Variants in TRIM37 observed in about 807,000 individuals in gnomAD.
The protein encoded by TRIM37 is E3 ubiquitin-protein ligase TRIM37.
Under a neutral mutation model 129.8 loss-of-function variants are expected in TRIM37, and 80 were observed. That is an observed-to-expected ratio of 0.62 (90% CI 0.51 to 0.74). TRIM37 has a LOEUF of 0.74. Among genes scored for constraint, TRIM37 ranks in the 30% least tolerant of loss-of-function variants. TRIM37 has a pLI of 0.00. For missense variants in TRIM37, 1,054 were observed against 1,176.5 expected (o/e 0.90, Z 1.52); for synonymous variants, 389 against 387.1 (o/e 1.00, Z -0.06).
At chr17:59,054,486 G>A (rs935313411) in intron 13 of TRIM37, among the ~76,000 whole-genome samples, 7 of 151,904 alleles carry the variant, frequency 4.6e-5, no homozygotes, top group African/African-American at 1.7e-4. Flanking sequence ...ATTTTTAGTA[G>A]AGACAGGGTT....
intron 24 of TRIM37, chr17:58,985,198 A>G (rs1267119608): frequency 6.6e-6 from 1 of 152,650 alleles, no homozygotes; most frequent in African/African-American, 2.4e-5. Flanking sequence ...TTGTCTTTTT[A>G]TTTAAAGGAA....
downstream of TRIM37, chr17:58,981,214 T>C (rs764234193): frequency 3.2e-5 from 18 of 558,694 alleles, no homozygotes; most frequent in Non-Finnish European, 4.9e-5. Context: ...AAAAGAAGTA[T>C]TGGCAGTTTC....
intron 16 of TRIM37, among the ~76,000 whole-genome samples, chr17:59,045,091 C>T (rs1332017375): frequency 2.0e-5 from 3 of 151,998 alleles, no homozygotes; most frequent in African/African-American, 7.3e-5. Flanking sequence ...CTTTGGGAGG[C>T]CGAGGCAGGC....
Position 59,081,935 on chromosome 17 carries a change from AC to A in TRIM37, c.370-717del, listed in dbSNP as rs1177439589. On this transcript the variant is annotated intron_variant, in intron 5 of 23. Transcript: ENST00000262294. ...AAATAATAATTTTTTAATAATAAAA[AC>A]CAAAAAAAAAAAAAAATAAAAAAAA... is the stretch of plus-strand genomic sequence containing the variant. 3.4e-3 allele frequency among the ~76,000 whole-genome samples: 312 copies of A among 92,030 alleles called. 5 individuals carry two copies. The South Asian group carries it at 0.042, about 13-fold the overall frequency. 60.4% of individuals were successfully genotyped at this position (92,030 alleles called of 152,430 possible). A position where few individuals can be genotyped will look rare whatever the true frequency, so the allele number is the denominator to read the frequency against.
At chr17:59,060,973 T>C in intron 12 of TRIM37, 59 bp downstream of exon 12, 1 of 1,274,044 alleles carries the variant, frequency 7.8e-7, no homozygotes, top group Non-Finnish European at 1.1e-6. Flanking sequence ...TTAACAAAAA[T>C]TGCTAGGGGG....
intron 19 of TRIM37, among the ~76,000 whole-genome samples, chr17:59,018,688 G>A (rs1243599258): frequency 6.7e-6 from 1 of 149,148 alleles, no homozygotes; most frequent in South Asian, 2.1e-4. Flanking sequence ...TTGATCTACC[G>A]ATTCAACACA....
At chr17:59,091,012 A>AT (rs2044254702) in intron 3 of TRIM37, among the ~76,000 whole-genome samples, 1 of 152,086 alleles carries the variant, frequency 6.6e-6, no homozygotes, top group African/African-American at 2.4e-5. Context: ...AACTATCTGG[A>AT]TTTTTTAACC....
intron 17 of TRIM37, among the ~76,000 whole-genome samples, chr17:59,038,475 A>G (rs1294844476): frequency 2.0e-5 from 3 of 152,188 alleles, no homozygotes; most frequent in Non-Finnish European, 4.4e-5. Flanking sequence ...TGCCTGGATT[A>G]TTACAGAATA....
chr17:59,053,356 A>G (rs1234105454), intron 13 of TRIM37, among the ~76,000 whole-genome samples: 1 of 152,246 alleles, frequency 6.6e-6, no homozygotes, highest in African/African-American at 2.4e-5. Flanking sequence ...GCAATGTCTC[A>G]TTAATAGGAT....
In TRIM37 at chr17:59,106,799, T is replaced by G. The variant is rs868060450; in HGVS notation, c.-338A>C. 1 of 529,980 alleles carries G rather than the reference T, an allele frequency of 1.9e-6. No individual in the cohort carries two copies. The highest frequency in any genetic ancestry group is 2.2e-5 in the South Asian group (1 of 45,442). 32.8% of individuals were successfully genotyped at this position (529,980 alleles called of 1,614,324 possible). On this transcript the variant is annotated 5_prime_UTR_variant, in exon 1 of 24. Coordinates refer to ENST00000262294, the MANE Select transcript of TRIM37 (RefSeq NM_015294.6). ...GCGCCTATGGAACTGACGGTGGAGT[T>G]CAGCGAAGAAGGTGCCGCAGAGAAT...
Position 59,049,315 on chromosome 17 carries a change from C to CA in TRIM37, c.1392dup (p.Asp465Ter). 1 of 1,614,158 alleles carries CA rather than the reference C, an allele frequency of 6.2e-7. No individual in the cohort carries two copies. Among genetic ancestry groups the CA allele is most frequent in the Non-Finnish European group, 8.5e-7 (1 of 1,180,034 alleles). On this transcript the variant is annotated frameshift_variant, in exon 15 of 24. Transcript: ENST00000262294. LOFTEE classifies it high-confidence loss of function. Reference sequence around the variant, plus strand: ...TTAGCTCGTGTCTCCAGAGCATCATCATTTTGGGGGCTAAGATGGTTATCT... The same window carrying CA: ...TTAGCTCGTGTCTCCAGAGCATCATCAATTTTGGGGGCTAAGATGGTTATCT...
At chr17:59,063,186 T>G (rs1202811381) in intron 10 of TRIM37, among the ~76,000 whole-genome samples, 1 of 150,856 alleles carries the variant, frequency 6.6e-6, no homozygotes, top group Admixed American at 6.6e-5. Context: ...TTTTTTGAGA[T>G]AGAGTTTTTT....
At chr17:59,008,013 G>C (rs1321982818) in intron 22 of TRIM37, among the ~76,000 whole-genome samples, 2 of 152,122 alleles carry the variant, frequency 1.3e-5, no homozygotes, top group Non-Finnish European at 2.9e-5. Context: ...AAGGCTTATA[G>C]GTATATAAGG....
At chr17:59,086,751 T>C (rs1044584477) in intron 4 of TRIM37, among the ~76,000 whole-genome samples, 3 of 152,200 alleles carry the variant, frequency 2.0e-5, no homozygotes, top group African/African-American at 7.2e-5. Context: ...TTTTACAATA[T>C]AGAAAATTTG....
chr17:59,081,197 G>A lies in TRIM37; in HGVS notation c.392C>T (p.Pro131Leu). The A allele has an allele frequency of 8.7e-6, 14 of 1,613,700 alleles. No individual in the cohort carries two copies. Among genetic ancestry groups the A allele is most frequent in the Non-Finnish European group, 1.2e-5 (14 of 1,179,824 alleles). The change falls in exon 6 of 24, where the codon CCT (proline) becomes CTT (leucine). Residue 131 changes from proline (P) to leucine (L), a missense_variant. By Grantham distance (98) the Pro-to-Leu change is moderately conservative. This residue lies in a region of TRIM37 where 752 missense variants were observed against 870.8 expected (regional missense o/e 0.86). Coordinates refer to ENST00000262294, the MANE Select transcript of TRIM37 (RefSeq NM_015294.6). The stretch of plus-strand genomic sequence containing the variant: ...GTGTTGCTCATAAATTTCTGCCAAA[G>A]GTTTAAAGGTATGTCCGCCATGCTA... ...GGMHGGHTFKPLAEIYEQHVT... is the reference protein window; with the variant it reads ...GGMHGGHTFKLLAEIYEQHVT...
chr17:59,015,594 A>G lies in TRIM37; in HGVS notation c.2576+16T>C, dbSNP rs565253562. 7 of 1,613,736 alleles carry G rather than the reference A, an allele frequency of 4.3e-6. No individual in the cohort carries two copies. The Admixed American group carries it at 8.3e-5, about 19-fold the overall frequency. On this transcript the variant is annotated intron_variant, in intron 21 of 23. Transcript: ENST00000262294. Reference sequence around the variant, plus strand: ...TAGCTATTATACCATTACATATACAAAACAACTTAATTTACCCCAAGGTGA... The same window carrying G: ...TAGCTATTATACCATTACATATACAGAACAACTTAATTTACCCCAAGGTGA...
At chr17:58,979,248 A>G (rs952334815), downstream of TRIM37, among the ~76,000 whole-genome samples, 2 of 152,180 alleles carry the variant, frequency 1.3e-5, no homozygotes, top group African/African-American at 2.4e-5. Context: ...TAAATATAAG[A>G]GAAAAATGGC....
Position 59,036,447 on chromosome 17 carries a change from G to GGTGTGTGTGT in TRIM37, c.1754-4367_1754-4358dup, listed in dbSNP as rs10625636. ...AAAAATCTAGTTTGTATTTGCTGGG[G>GGTGTGTGTGT]GTGTGTGTGTGTGTGTGTGTGTGTG... On this transcript the variant is annotated intron_variant, in intron 17 of 23. Transcript: ENST00000262294. 1.9e-3 allele frequency among the ~76,000 whole-genome samples: 269 copies of GGTGTGTGTGT among 140,670 alleles called. 1 individual carries two copies. The highest frequency in any genetic ancestry group is 0.011 in the Middle Eastern group (3 of 282). The allele number at this position is 140,670 out of a possible 152,430, so 92.3% of individuals were successfully genotyped here. A position where few individuals can be genotyped will look rare whatever the true frequency, so the allele number is the denominator to read the frequency against.
At chr17:59,054,035 CA>C (rs1264747121) in intron 13 of TRIM37, among the ~76,000 whole-genome samples, 1 of 152,142 alleles carries the variant, frequency 6.6e-6, no homozygotes, top group Non-Finnish European at 1.5e-5. Context: ...ACGGAAAACA[CA>C]TAAGAGTAAA....
Sources: gnomAD v4.1 joint callset for allele counts (sites outside exome capture counted in the v4.1 genomes callset) on GRCh38, gnomAD v4.1.1 for gene constraint, gnomAD v4.1.1 regional missense constraint, MANE v1.5 for transcripts, NCBI Gene and HGNC (gene_info 2026-07-23, HGNC 2026-07-21) for gene names.